FBXO25: variants seen among roughly 807,000 people sequenced by gnomAD.
FBXO25 encodes the protein F-box only protein 25.
Under a neutral mutation model 51.9 loss-of-function variants are expected in FBXO25, and 45 were observed. The ratio of observed to expected loss-of-function variants is 0.87; its 90% confidence interval spans 0.68 to 1.11. FBXO25 has a LOEUF of 1.11. FBXO25 is among the 50% of genes most tolerant of loss of function. The pLI is 0.00. For missense variants in FBXO25, 507 were observed against 428.5 expected, an observed-to-expected ratio of 1.18 and a Z score of -1.62; for synonymous variants, 199 against 151.0, an observed-to-expected ratio of 1.32 and a Z score of -2.33.
At chr8:467,796 A>C (rs1388109258) in intron 9 of FBXO25, 11 of 1,609,406 alleles carry the variant, frequency 6.8e-6, no homozygotes, top group Non-Finnish European at 1.7e-6. Context: ...AAAACGTTGC[A>C]TCGTGCTGCA....
Position 443,303 on chromosome 8 carries a change from T to C in FBXO25, c.382-6687T>C, listed in dbSNP as rs190062285. On this transcript the variant is annotated intron_variant, in intron 5 of 9. Transcript: ENST00000350302. ...AAGTTTGAAATGCCGGTATTGATAATAGTCTGCAAATATCCACTACCATCT... is the reference window on the plus strand; with the variant it reads ...AAGTTTGAAATGCCGGTATTGATAACAGTCTGCAAATATCCACTACCATCT... Among the ~76,000 whole-genome samples, 30 of 149,614 alleles carry C rather than the reference T, an allele frequency of 2.0e-4. No individual in the cohort carries two copies. The East Asian group carries it at 4.0e-3, about 20-fold the overall frequency.
At chr8:409,152 C>A (rs779146088) in intron 1 of FBXO25, among the ~76,000 whole-genome samples, 2 of 152,224 alleles carry the variant, frequency 1.3e-5, no homozygotes, top group South Asian at 2.1e-4. Context: ...AGACCCCAGA[C>A]GTTTTAAATT....
At position 470,649 on chromosome 8, in the gene FBXO25, G is replaced by A. The variant is rs1051825157; in HGVS notation, c.*1845G>A. ...ACCTGCCTCAGCTTCCCAAAGTGCT[G>A]GGATTACAGGCATGAGCCACCACGT... On this transcript the variant is annotated 3_prime_UTR_variant, in exon 10 of 10. Transcript: ENST00000350302. 1 of 152,200 alleles carries A rather than the reference G, an allele frequency of 6.6e-6. No homozygotes were observed. Among genetic ancestry groups the A allele is most frequent in the Non-Finnish European group, 1.5e-5 (1 of 68,084 alleles). 9.4% of individuals were successfully genotyped at this position (152,200 alleles called of 1,614,324 possible).
intron 7 of FBXO25, among the ~76,000 whole-genome samples, chr8:451,763 C>G (rs1799115601): frequency 6.6e-6 from 1 of 152,158 alleles, no homozygotes; most frequent in African/African-American, 2.4e-5. Context: ...TAAATTAAGG[C>G]TAAATTGTGT....
chr8:442,600 G>C (rs1005382388), intron 5 of FBXO25, among the ~76,000 whole-genome samples: 1 of 152,062 alleles, frequency 6.6e-6, no homozygotes, highest in African/African-American at 2.4e-5. Flanking sequence ...TTCCCGAGTA[G>C]CTGGGATTTC....
chr8:416,332 G>A (rs1796801230), intron 2 of FBXO25, among the ~76,000 whole-genome samples: 1 of 152,168 alleles, frequency 6.6e-6, no homozygotes, highest in African/African-American at 2.4e-5. Flanking sequence ...GTGTCACCAG[G>A]AAATCCAGAG....
intron 7 of FBXO25, among the ~76,000 whole-genome samples, chr8:457,685 C>T (rs890799652): frequency 2.0e-5 from 3 of 152,200 alleles, no homozygotes; most frequent in African/African-American, 2.4e-5. Flanking sequence ...TACATGTTCT[C>T]ACCACAAAAA....
Position 458,361 on chromosome 8 carries a change from C to G in FBXO25, c.661-8C>G. ...TCTCAGTGAGTTGCTGTTGTGTTTT[C>G]CTTTCAGCAAGTGAACAATGGCCTC... On this transcript the variant is annotated splice_polypyrimidine_tract_variant and splice_region_variant and intron_variant, in intron 7 of 9. Transcript: ENST00000350302. 1 of 1,611,414 alleles carries G rather than the reference C, an allele frequency of 6.2e-7. No individual in the cohort carries two copies. Among genetic ancestry groups the G allele is most frequent in the Non-Finnish European group, 8.5e-7 (1 of 1,178,534 alleles).
Position 468,905 on chromosome 8 carries a change from C to T in FBXO25, c.*101C>T. 1.8e-6 allele frequency: 2 copies of T among 1,088,928 alleles called. No individual in the cohort carries two copies. The highest frequency in any genetic ancestry group is 1.3e-6 in the Non-Finnish European group (1 of 775,930). The allele number at this position is 1,088,928 out of a possible 1,614,324, so 67.5% of individuals were successfully genotyped here. Reference sequence around the variant, plus strand: ...GGTGGGTGGAGACTCCTCGGAAGCCCCTGCTTCCAGAAAGCCTGGGAAGAA... The same window carrying T: ...GGTGGGTGGAGACTCCTCGGAAGCCTCTGCTTCCAGAAAGCCTGGGAAGAA... On this transcript the variant is annotated 3_prime_UTR_variant, in exon 10 of 10. Coordinates refer to ENST00000350302, the MANE Select transcript of FBXO25 (RefSeq NM_183420.2).
intron 1 of FBXO25, among the ~76,000 whole-genome samples, chr8:407,576 T>C (rs529828893): frequency 6.6e-6 from 1 of 151,764 alleles, no homozygotes; most frequent in Non-Finnish European, 1.5e-5. Flanking sequence ...CTGGGCCGTC[T>C]TGCAGGCCCG....
At chr8:461,468 C>T (rs2116814706) in intron 8 of FBXO25, among the ~76,000 whole-genome samples, 1 of 152,288 alleles carries the variant, frequency 6.6e-6, no homozygotes. Context: ...TTTATAAAAT[C>T]ATCAGATCTT....
Position 476,783 on chromosome 8 carries a change from GTTC to G in FBXO25, c.*7981_*7983del, listed in dbSNP as rs1800655898. 2 of 151,688 alleles carry G rather than the reference GTTC, an allele frequency of 1.3e-5. No homozygotes were observed. The highest frequency in any genetic ancestry group is 1.3e-4 in the Admixed American group (2 of 15,254). The allele number at this position is 151,688 out of a possible 1,614,324, so 9.4% of individuals were successfully genotyped here. A position where few individuals can be genotyped will look rare whatever the true frequency, so the allele number is the denominator to read the frequency against. ...ATTTATTTTTCTCTATTGCTTTTCT[GTTC>G]TCTATTTTGTCTCTGCTCTAATCTT... On this transcript the variant is annotated 3_prime_UTR_variant, in exon 10 of 10. Coordinates refer to ENST00000350302, the MANE Select transcript of FBXO25 (RefSeq NM_183420.2).
rs1799585770 is a variant in FBXO25, at chr8:458,307, G to C, written c.661-62G>C. 6 of 1,552,410 alleles carry C rather than the reference G, an allele frequency of 3.9e-6. No individual in the cohort carries two copies. In the East Asian group the frequency reaches 1.4e-4, roughly 35 times the overall value. On this transcript the variant is annotated intron_variant, in intron 7 of 9. Transcript: ENST00000350302. ...GCATTCATTCCAGCTTGACTCTTCA[G>C]TTACTGTGTGAACAAACATTGGCCA...
intron 7 of FBXO25, among the ~76,000 whole-genome samples, chr8:457,578 G>A (rs1458205810): frequency 6.6e-6 from 1 of 152,202 alleles, no homozygotes; most frequent in Admixed American, 6.5e-5. Context: ...GGTTTCTGTA[G>A]TGCAGGAGGA....
intron 6 of FBXO25, among the ~76,000 whole-genome samples, chr8:450,357 T>A (rs1012491749): frequency 2.6e-5 from 4 of 152,230 alleles, no homozygotes; most frequent in Non-Finnish European, 4.4e-5. Flanking sequence ...TTTTTCATGG[T>A]TAGCTAATCA....
At chr8:407,522 C>A (rs1228304749) in intron 1 of FBXO25, 1 of 848,908 alleles carries the variant, frequency 1.2e-6, no homozygotes, top group African/African-American at 1.8e-5. Flanking sequence ...TCCTCAGCCG[C>A]TTCCCCTGCC....
intron 1 of FBXO25, chr8:407,383 C>T (rs1796219096): frequency 2.0e-6 from 2 of 980,880 alleles, no homozygotes; most frequent in African/African-American, 3.6e-5. Flanking sequence ...GCGGGCGCGT[C>T]AGGTAGGGAC....
chr8:447,709 C>T (rs948941897), intron 5 of FBXO25, among the ~76,000 whole-genome samples: 1 of 152,172 alleles, frequency 6.6e-6, no homozygotes, highest in African/African-American at 2.4e-5. Flanking sequence ...GTTTCACATA[C>T]ACCTTATACA....
At chr8:425,824 A>G (rs1267744004) in intron 2 of FBXO25, among the ~76,000 whole-genome samples, 2 of 151,808 alleles carry the variant, frequency 1.3e-5, no homozygotes, top group African/African-American at 2.4e-5. Flanking sequence ...ATCACAGATA[A>G]CAGGGAACCA....
Sources: gnomAD v4.1 joint callset for allele counts (sites outside exome capture counted in the v4.1 genomes callset) on GRCh38, gnomAD v4.1.1 for gene constraint, MANE v1.5 for transcripts, NCBI Gene and HGNC (gene_info 2026-07-23, HGNC 2026-07-21) for gene names.